Variants in SLC35F1 observed in about 807,000 individuals in gnomAD.
The protein encoded by SLC35F1 is solute carrier family 35 member F1.
SLC35F1 carries 14 observed loss-of-function variants against 48.7 expected under a neutral mutation model. The observed-to-expected ratio is 0.29, with a 90% CI of 0.19 to 0.45. SLC35F1 has a LOEUF of 0.45. Among genes scored for constraint, SLC35F1 ranks in the 20% least tolerant of loss-of-function variants. SLC35F1 has a pLI of 1.00. For synonymous variants in SLC35F1, 190 were observed against 202.2 expected (o/e 0.94, Z 0.51); for missense variants, 404 against 500.0 (o/e 0.81, Z 1.83).
intron 1 of SLC35F1, among the ~76,000 whole-genome samples, chr6:118,102,047 C>T (rs989767648): frequency 2.0e-5 from 3 of 152,186 alleles, no homozygotes; most frequent in Non-Finnish European, 4.4e-5. Context: ...TCACTAACCA[C>T]AGGGCTGGGA....
At chr6:118,014,557 A>G (rs986316346) in intron 1 of SLC35F1, among the ~76,000 whole-genome samples, 4 of 151,924 alleles carry the variant, frequency 2.6e-5, no homozygotes, top group African/African-American at 9.7e-5. Flanking sequence ...ACTCTTTAAA[A>G]CCCAATTGTA....
chr6:118,267,106 G>A lies in SLC35F1; in HGVS notation c.589G>A (p.Gly197Ser). Reference protein sequence around the residue: ...IGIVVCILGMGCMVGADVLVG... With the variant: ...IGIVVCILGMSCMVGADVLVG... ...CATCGTTGTCTGCATCCTGGGAATG[G>A]GCTGCATGGTGGGAGCAGATGTGCT... Residue 197 changes from glycine (G) to serine (S), a missense_variant, in exon 4 of 8, where the codon GGC (glycine) becomes AGC (serine). This residue lies in a region of SLC35F1 where 306 missense variants were observed against 419.1 expected (regional missense o/e 0.73). Transcript: ENST00000360388. 1 of 1,614,044 alleles carries A rather than the reference G, an allele frequency of 6.2e-7. No homozygotes were observed. The highest frequency in any genetic ancestry group is 1.7e-4 in the Middle Eastern group (1 of 6,058).
At chr6:118,135,485 G>A (rs1422712903) in intron 1 of SLC35F1, among the ~76,000 whole-genome samples, 1 of 152,160 alleles carries the variant, frequency 6.6e-6, no homozygotes, top group Admixed American at 6.5e-5. Context: ...TCCCCTGTTG[G>A]AAGCATTTAG....
At chr6:118,291,203 G>A (rs985071887) in intron 7 of SLC35F1, among the ~76,000 whole-genome samples, 4 of 151,474 alleles carry the variant, frequency 2.6e-5, no homozygotes, top group Non-Finnish European at 5.9e-5. Flanking sequence ...AATGGTTATG[G>A]TGATGATATG....
intron 1 of SLC35F1, among the ~76,000 whole-genome samples, chr6:118,032,425 A>G (rs1192210126): frequency 6.6e-6 from 1 of 152,238 alleles, no homozygotes; most frequent in Non-Finnish European, 1.5e-5. Context: ...GGGGCTAGAC[A>G]CATGAGGTTG....
intron 1 of SLC35F1, among the ~76,000 whole-genome samples, chr6:118,135,960 A>G (rs1466584626): frequency 6.6e-6 from 1 of 152,164 alleles, no homozygotes; most frequent in Non-Finnish European, 1.5e-5. Flanking sequence ...CAGCTGGGTT[A>G]CCACTCCATG....
intron 1 of SLC35F1, among the ~76,000 whole-genome samples, chr6:117,911,843 C>G (rs929904755): frequency 6.6e-6 from 1 of 152,052 alleles, no homozygotes; most frequent in Non-Finnish European, 1.5e-5. Context: ...AGTTGATGAC[C>G]CTCTCAAAGA....
At chr6:118,003,758 A>T (rs1777138673) in intron 1 of SLC35F1, among the ~76,000 whole-genome samples, 1 of 152,186 alleles carries the variant, frequency 6.6e-6, no homozygotes, top group Admixed American at 6.5e-5. Context: ...TTTTTTTTTA[A>T]AAGAGAGCAC....
At chr6:118,094,307 G>T (rs966227452) in intron 1 of SLC35F1, among the ~76,000 whole-genome samples, 1 of 152,160 alleles carries the variant, frequency 6.6e-6, no homozygotes, top group African/African-American at 2.4e-5. Context: ...GGGACCAGAT[G>T]AAGTGGGTTT....
At chr6:117,960,360 T>C (rs997450512) in intron 1 of SLC35F1, among the ~76,000 whole-genome samples, 1 of 151,696 alleles carries the variant, frequency 6.6e-6, no homozygotes, top group East Asian at 2.0e-4. Context: ...AATATGCACA[T>C]CTCACATTCT....
At chr6:118,021,697 A>ACATAATGG (rs1777397356) in intron 1 of SLC35F1, among the ~76,000 whole-genome samples, 1 of 152,184 alleles carries the variant, frequency 6.6e-6, no homozygotes, top group Non-Finnish European at 1.5e-5. Context: ...CCATCCCAAG[A>ACATAATGG]CATAATGGCT....
At chr6:118,253,503 G>A (rs981907071) in intron 3 of SLC35F1, among the ~76,000 whole-genome samples, 1 of 152,098 alleles carries the variant, frequency 6.6e-6, no homozygotes, top group African/African-American at 2.4e-5. Flanking sequence ...AAGTTTGGCA[G>A]GAAAGGAAGT....
Position 117,989,256 on chromosome 6 carries a change from C to A in SLC35F1, c.173+81357C>A, listed in dbSNP as rs138331175. Among the ~76,000 whole-genome samples, 1,065 of 152,302 alleles carry A rather than the reference C, an allele frequency of 7.0e-3. 12 individuals are homozygous for A. The highest frequency in any genetic ancestry group is 0.023 in the African/African-American group (972 of 41,564). ...CAGTTTCACAAACAGCATCCTTGTACCATTTTTAGCTGAACACATTTTATT... is the reference window on the plus strand; with the variant it reads ...CAGTTTCACAAACAGCATCCTTGTAACATTTTTAGCTGAACACATTTTATT... On this transcript the variant is annotated intron_variant, in intron 1 of 7. Transcript: ENST00000360388.
intron 1 of SLC35F1, among the ~76,000 whole-genome samples, chr6:118,026,623 T>C (rs1771951174): frequency 6.6e-6 from 1 of 152,202 alleles, no homozygotes; most frequent in Admixed American, 6.5e-5. Context: ...AGGAGACTTT[T>C]ACATTCAATC....
At chr6:118,232,426 T>C (rs1379174774) in intron 2 of SLC35F1, among the ~76,000 whole-genome samples, 2 of 151,286 alleles carry the variant, frequency 1.3e-5, no homozygotes, top group African/African-American at 4.9e-5. Context: ...TGCATGCCTG[T>C]AATCCCAGCT....
At chr6:117,924,014 C>T (rs1191409712) in intron 1 of SLC35F1, among the ~76,000 whole-genome samples, 3 of 150,778 alleles carry the variant, frequency 2.0e-5, no homozygotes, top group African/African-American at 2.4e-5. Context: ...CATGTGTGTA[C>T]GTATATACCT....
chr6:118,022,747 A>ATT (rs34879607), intron 1 of SLC35F1, among the ~76,000 whole-genome samples: 149 of 120,586 alleles, frequency 1.2e-3, no homozygotes, highest in African/African-American at 2.2e-3. Context: ...AGCTTGGACA[A>ATT]TTTTTTTTTT....
intron 1 of SLC35F1, among the ~76,000 whole-genome samples, chr6:117,940,501 C>T (rs1776216702): frequency 6.6e-6 from 1 of 152,038 alleles, no homozygotes; most frequent in African/African-American, 2.4e-5. Flanking sequence ...GTTGTATATC[C>T]AAAGAAAAAT....
chr6:118,012,250 G>C (rs761140283), intron 1 of SLC35F1, among the ~76,000 whole-genome samples: 4 of 151,044 alleles, frequency 2.6e-5, no homozygotes, highest in South Asian at 2.1e-4. Context: ...AGTAAACTTA[G>C]CAACTGTCAT....
Sources: gnomAD v4.1 joint callset for allele counts (sites outside exome capture counted in the v4.1 genomes callset) on GRCh38, gnomAD v4.1.1 for gene constraint, gnomAD v4.1.1 regional missense constraint, MANE v1.5 for transcripts, NCBI Gene and HGNC (gene_info 2026-07-23, HGNC 2026-07-21) for gene names.